RASSF3: variants seen among roughly 807,000 people sequenced by gnomAD.
The protein encoded by RASSF3 is Ras association domain family member 3.
RASSF3 carries 19 observed loss-of-function variants against 19.9 expected under a neutral mutation model. That is an observed-to-expected ratio of 0.96 (90% CI 0.67 to 1.40). The LOEUF is 1.40. RASSF3 is among the 40% of genes most tolerant of loss of function. RASSF3 has a pLI of 0.00. For synonymous variants in RASSF3, 110 were observed against 104.2 expected (o/e 1.06, Z -0.34); for missense variants, 306 against 289.8 (o/e 1.06, Z -0.41).
chr12:64,682,108 T>C (rs982987362), intron 1 of RASSF3, among the ~76,000 whole-genome samples: 4 of 152,178 alleles, frequency 2.6e-5, no homozygotes, highest in African/African-American at 9.6e-5. Flanking sequence ...AAAATAAGAT[T>C]ACTTTGGGGT....
At chr12:64,602,047 T>G (rs1340206825) in intron 2 of RASSF3, among the ~76,000 whole-genome samples, 1 of 140,958 alleles carries the variant, frequency 7.1e-6, no homozygotes, top group Admixed American at 7.3e-5. Flanking sequence ...AACCTGGGAG[T>G]CAGAGCTTGC....
intron 2 of RASSF3, among the ~76,000 whole-genome samples, chr12:64,569,412 T>C (rs1869481753): frequency 6.6e-6 from 1 of 152,228 alleles, no homozygotes. Flanking sequence ...CCAGCTGCTT[T>C]GTGCAGTGCA....
chr12:64,682,655 A>G (rs141753517), intron 1 of RASSF3, among the ~76,000 whole-genome samples: 11 of 151,740 alleles, frequency 7.2e-5, no homozygotes, highest in South Asian at 2.1e-4. Context: ...TGAGGCTTCA[A>G]TGGATCAAGA....
chr12:64,613,782 CA>C (rs202001441), intron 1 of RASSF3, among the ~76,000 whole-genome samples: 7 of 151,548 alleles, frequency 4.6e-5, no homozygotes, highest in Non-Finnish European at 8.8e-5. Context: ...CCTGTCTCTA[CA>C]AAAAAAATGC....
At chr12:64,535,009 A>T (rs1281507463) in intron 1 of RASSF3, among the ~76,000 whole-genome samples, 3 of 152,156 alleles carry the variant, frequency 2.0e-5, no homozygotes, top group African/African-American at 7.2e-5. Flanking sequence ...TGTACCACTA[A>T]GGAAAATGCT....
In RASSF3 at chr12:64,695,003, C is replaced by G; in HGVS notation, c.*91C>G. ...CTTCTCAGAGGGCTGCTGTCTTGCCCCACTATGCTAGGGTCTTCGCCTTTC... is the reference window on the plus strand; with the variant it reads ...CTTCTCAGAGGGCTGCTGTCTTGCCGCACTATGCTAGGGTCTTCGCCTTTC... On this transcript the variant is annotated 3_prime_UTR_variant, in exon 5 of 5. Transcript: ENST00000542104. 1 of 1,411,016 alleles carries G rather than the reference C, an allele frequency of 7.1e-7. No individual in the cohort carries two copies. Among genetic ancestry groups the G allele is most frequent in the Non-Finnish European group, 9.7e-7 (1 of 1,030,356 alleles). 87.4% of individuals were successfully genotyped at this position (1,411,016 alleles called of 1,614,324 possible).
intron 1 of RASSF3, among the ~76,000 whole-genome samples, chr12:64,629,576 A>T (rs1871103254): frequency 1.3e-5 from 2 of 152,194 alleles, no homozygotes; most frequent in African/African-American, 4.8e-5. Context: ...ATGTAATGTG[A>T]TAATATGAAG....
At chr12:64,529,903 C>T (rs1868668918), upstream of RASSF3, among the ~76,000 whole-genome samples, 1 of 152,178 alleles carries the variant, frequency 6.6e-6, no homozygotes, top group Non-Finnish European at 1.5e-5. Context: ...TATTTTGTGA[C>T]AATCGAGCTT....
rs146269102 is a variant in RASSF3, at chr12:64,683,750, A to G, written c.112-1037A>G. On this transcript the variant is annotated intron_variant, in intron 1 of 4. Coordinates refer to ENST00000542104, the MANE Select transcript of RASSF3 (RefSeq NM_178169.4). ...GTCTTTAAATGTTGTTTAAAATAGA[A>G]ATGGCCAATCTAGCAGGCATGCTGA... Among the ~76,000 whole-genome samples the G allele has an allele frequency of 2.9e-3, 438 of 152,356 alleles. 2 individuals carry two copies. The highest frequency in any genetic ancestry group is 0.01 in the African/African-American group (423 of 41,592).
chr12:64,612,224 C>T (rs1434088377), intron 1 of RASSF3, among the ~76,000 whole-genome samples: 4 of 151,968 alleles, frequency 2.6e-5, no homozygotes, highest in African/African-American at 9.7e-5. Context: ...CCTCTCTCTT[C>T]CCCTTCTCCG....
chr12:64,651,143 A>C (rs111377922), intron 1 of RASSF3, among the ~76,000 whole-genome samples: 1 of 152,294 alleles, frequency 6.6e-6, no homozygotes, highest in South Asian at 2.1e-4. Context: ...CACATCTAGT[A>C]ATAGAAAAAT....
chr12:64,684,526 G>A (rs1873269971), intron 1 of RASSF3, among the ~76,000 whole-genome samples: 1 of 149,526 alleles, frequency 6.7e-6, no homozygotes, highest in Non-Finnish European at 1.5e-5. Context: ...TGCCTCTCAC[G>A]TTCAAAGTGA....
intron 2 of RASSF3, among the ~76,000 whole-genome samples, chr12:64,685,565 T>C (rs1013035498): frequency 3.3e-5 from 5 of 152,110 alleles, no homozygotes; most frequent in Non-Finnish European, 7.3e-5. Flanking sequence ...AAAATAAATA[T>C]GGAAGTGTCA....
intron 2 of RASSF3, among the ~76,000 whole-genome samples, chr12:64,577,817 T>C (rs1334984289): frequency 1.3e-5 from 2 of 152,202 alleles, no homozygotes; most frequent in African/African-American, 2.4e-5. Flanking sequence ...ACATTTGTTA[T>C]TGGGCACCTG....
chr12:64,555,008 C>G (rs1169478420), intron 2 of RASSF3, among the ~76,000 whole-genome samples: 1 of 152,068 alleles, frequency 6.6e-6, no homozygotes, highest in Non-Finnish European at 1.5e-5. Context: ...CTTTGGGAGG[C>G]CAAGGTGGGC....
At chr12:64,683,646 A>G (rs563026829) in intron 1 of RASSF3, among the ~76,000 whole-genome samples, 1 of 152,330 alleles carries the variant, frequency 6.6e-6, no homozygotes, top group East Asian at 1.9e-4. Context: ...TAACTGCTGT[A>G]CTTTTTGCCA....
chr12:64,620,014 C>CTCTGTGTGTGTGTGTGTG (rs145002119), intron 1 of RASSF3, among the ~76,000 whole-genome samples: 1 of 134,168 alleles, frequency 7.5e-6, no homozygotes, highest in African/African-American at 2.8e-5. Context: ...TGCAGGTTGA[C>CTCTGTGTGTGTGTGTGTG]TGTGTGTGTG....
chr12:64,584,788 G>C (rs1397588682), intron 2 of RASSF3, among the ~76,000 whole-genome samples: 2 of 151,890 alleles, frequency 1.3e-5, no homozygotes, highest in Non-Finnish European at 2.9e-5. Context: ...TTTCGGGGGA[G>C]AGGGAGGTTT....
At chr12:64,539,761 T>C (rs113706494) in intron 1 of RASSF3, among the ~76,000 whole-genome samples, 4,925 of 152,094 alleles carry the variant, frequency 0.032, 276 homozygotes, top group African/African-American at 0.11. Flanking sequence ...GGCAATAGAG[T>C]GAGACCTTGT....
Sources: gnomAD v4.1 joint callset for allele counts (sites outside exome capture counted in the v4.1 genomes callset) on GRCh38, gnomAD v4.1.1 for gene constraint, MANE v1.5 for transcripts, NCBI Gene and HGNC (gene_info 2026-07-23, HGNC 2026-07-21) for gene names.